The following SPECC1 variants were observed in gnomAD, a reference collection of about 807,000 sequenced individuals.
SPECC1 encodes the protein sperm antigen with calponin homology and coiled-coil domains 1.
SPECC1 carries 62 observed loss-of-function variants against 104.1 expected under a neutral mutation model. The observed-to-expected ratio is 0.60, with a 90% CI of 0.49 to 0.74. SPECC1 has a LOEUF of 0.74. SPECC1 is among the 30% of genes least tolerant of loss of function. The pLI, the probability that SPECC1 is intolerant of heterozygous loss-of-function variation, is 0.00. For missense variants in SPECC1, 1,306 were observed against 1,310.5 expected, an observed-to-expected ratio of 1.00 and a Z score of 0.05; for synonymous variants, 513 against 501.6, an observed-to-expected ratio of 1.02 and a Z score of -0.30.
At chr17:20,217,407 C>G (rs535949853) in intron 4 of SPECC1, among the ~76,000 whole-genome samples, 8 of 152,208 alleles carry the variant, frequency 5.3e-5, no homozygotes, top group African/African-American at 1.9e-4. Flanking sequence ...GTCCCCTCCC[C>G]CATGCCGAGT....
intron 3 of SPECC1, among the ~76,000 whole-genome samples, chr17:20,148,494 A>G (rs2031672425): frequency 6.6e-6 from 1 of 151,800 alleles, no homozygotes; most frequent in Non-Finnish European, 1.5e-5. Flanking sequence ...GTATTTTTCC[A>G]AATAAATGTA....
At chr17:20,142,345 A>G (rs7212500) in intron 3 of SPECC1, among the ~76,000 whole-genome samples, 87,448 of 152,042 alleles carry the variant, frequency 0.58, 25,776 homozygotes, top group African/African-American at 0.64. Context: ...TGAAAGCAGG[A>G]ACTTGAAAAG....
chr17:20,289,528 C>G (rs867104104), intron 12 of SPECC1, among the ~76,000 whole-genome samples: 56 of 152,322 alleles, frequency 3.7e-4, no homozygotes, highest in African/African-American at 1.0e-3. Flanking sequence ...GTCTCAAACT[C>G]CTGGCCTCAA....
chr17:20,203,819 T>A (rs1208844682), intron 3 of SPECC1, among the ~76,000 whole-genome samples: 1 of 152,248 alleles, frequency 6.6e-6, no homozygotes, highest in East Asian at 1.9e-4. Context: ...GGGTATTTAC[T>A]GGCTTGCCTA....
Position 20,096,655 on chromosome 17 carries a change from C to G in SPECC1, c.4C>G (p.Arg2Gly), listed in dbSNP as rs763091276. 1.9e-6 allele frequency: 3 copies of G among 1,611,662 alleles called. No homozygotes were observed. The highest frequency in any genetic ancestry group is 1.1e-5 in the South Asian group (1 of 90,950). The stretch of plus-strand genomic sequence containing the variant: ...GGACAGACCCACGAAGTCAAGCATG[C>G]GGAGTGCAGCCAAGCCCTGGAACCC... Reference protein sequence around the residue: MRSAAKPWNPAI... With the variant: MGSAAKPWNPAI... The change falls in exon 2 of 15, where the codon CGG becomes GGG. Residue 2 changes from arginine to glycine, a missense_variant. Physicochemically the swap from Arg to Gly is moderately radical, Grantham distance 125. Around this residue, in one of 2 missense-constraint regions of SPECC1, gnomAD observed 1,177 missense variants for 1,139.9 expected, o/e 1.03. Coordinates refer to ENST00000395527, the MANE Select transcript of SPECC1 (RefSeq NM_001243439.2).
At chr17:20,118,236 A>G (rs1295689140) in intron 3 of SPECC1, among the ~76,000 whole-genome samples, 1 of 152,232 alleles carries the variant, frequency 6.6e-6, no homozygotes, top group Non-Finnish European at 1.5e-5. Flanking sequence ...AGAGCCACAT[A>G]TGGTTGATGC....
chr17:20,046,749 G>A (rs896952852), intron 1 of SPECC1, among the ~76,000 whole-genome samples: 2 of 152,190 alleles, frequency 1.3e-5, no homozygotes, highest in African/African-American at 4.8e-5. Context: ...TGCAGGTGGA[G>A]GAGGCGGCCA....
chr17:20,111,927 T>C, intron 3 of SPECC1: 1 of 791,048 alleles, frequency 1.3e-6, no homozygotes, highest in Non-Finnish European at 2.3e-6. Context: ...AGTGGTAAAC[T>C]TGGCATAAAA....
chr17:20,156,487 G>T (rs2032550160), intron 3 of SPECC1, among the ~76,000 whole-genome samples: 1 of 152,138 alleles, frequency 6.6e-6, no homozygotes, highest in Non-Finnish European at 1.5e-5. Context: ...GCACCGCTGG[G>T]TCCCTGCCGC....
chr17:20,240,360 C>T (rs545819151), intron 7 of SPECC1, among the ~76,000 whole-genome samples: 53 of 151,952 alleles, frequency 3.5e-4, no homozygotes, highest in South Asian at 8.3e-4. Flanking sequence ...ATTAGGGATA[C>T]GGTTGTATCC....
At chr17:20,157,482 A>G (rs1429077220) in intron 3 of SPECC1, among the ~76,000 whole-genome samples, 1 of 152,236 alleles carries the variant, frequency 6.6e-6, no homozygotes, top group Non-Finnish European at 1.5e-5. Context: ...AATAAAAATA[A>G]TATACTTGTT....
intron 12 of SPECC1, among the ~76,000 whole-genome samples, chr17:20,281,905 G>A (rs2040782233): frequency 6.6e-6 from 1 of 152,332 alleles, no homozygotes; most frequent in Middle Eastern, 3.4e-3. Flanking sequence ...CCGAGGTGAG[G>A]GCACAGAGAA....
intron 4 of SPECC1, among the ~76,000 whole-genome samples, chr17:20,214,251 C>T (rs189157970): frequency 1.6e-4 from 24 of 152,366 alleles, no homozygotes; most frequent in Admixed American, 3.3e-4. Context: ...TATTTCCTCT[C>T]ATTCTGTGGG....
Position 20,240,060 on chromosome 17 carries a change from A to ATTTTTTTT in SPECC1, c.2352-5841_2352-5834dup, listed in dbSNP as rs748689632. ...AGGGGCACACCACCATGTCCAGCTA[A>ATTTTTTTT]TTTTTTTTTTTTTTTTTTTTTTTTT... On this transcript the variant is annotated intron_variant, in intron 7 of 14. Transcript: ENST00000395527. Among the ~76,000 whole-genome samples the ATTTTTTTT allele has an allele frequency of 2.8e-4, 9 of 32,198 alleles. 1 individual carries two copies. The highest frequency in any genetic ancestry group is 3.0e-4 in the African/African-American group (2 of 6,700). The allele number at this position is 32,198 out of a possible 152,430, so 21.1% of individuals were successfully genotyped here.
intron 4 of SPECC1, among the ~76,000 whole-genome samples, chr17:20,225,961 CTG>C (rs1567960275): frequency 6.6e-6 from 1 of 152,122 alleles, no homozygotes; most frequent in African/African-American, 2.4e-5. Flanking sequence ...TAAATGCCTC[CTG>C]TGTGTGATGC....
At chr17:20,312,388 T>C (rs2142241141) in intron 14 of SPECC1, among the ~76,000 whole-genome samples, 1 of 152,342 alleles carries the variant, frequency 6.6e-6, no homozygotes, top group South Asian at 2.1e-4. Context: ...ATATTTTTAG[T>C]TCAGTTATGA....
intron 1 of SPECC1, 80 bp from the exon 2 acceptor site, chr17:20,096,551 A>G (rs929825964): frequency 8.3e-6 from 12 of 1,438,978 alleles, no homozygotes; most frequent in Non-Finnish European, 6.6e-6. Context: ...GTGACGTGGT[A>G]TGTGGGGTGT....
chr17:20,276,295 A>T (rs925741950), intron 12 of SPECC1, among the ~76,000 whole-genome samples: 6 of 151,898 alleles, frequency 4.0e-5, no homozygotes, highest in South Asian at 2.1e-4. Context: ...TCTTTAAAAA[A>T]TTTTTTTAGA....
Position 20,299,555 on chromosome 17 carries a change from CAAAAAAA to C in SPECC1, c.3057+2496_3057+2502del, listed in dbSNP as rs57493380. On this transcript the variant is annotated intron_variant, in intron 13 of 14. Coordinates refer to ENST00000395527, the MANE Select transcript of SPECC1 (RefSeq NM_001243439.2). The stretch of plus-strand genomic sequence containing the variant: ...AGCCTGGGTGACAGAGACCCTGTCT[CAAAAAAA>C]AAAAAAAAAAAAAAAAAGAAAAGAA... 1.4e-3 allele frequency among the ~76,000 whole-genome samples: 58 copies of C among 40,364 alleles called. 1 individual carries two copies. Among genetic ancestry groups the C allele is most frequent in the East Asian group, 5.8e-3 (8 of 1,374 alleles). 26.5% of individuals were successfully genotyped at this position (40,364 alleles called of 152,430 possible).
Sources: allele counts gnomAD v4.1 joint callset (sites outside exome capture counted in the v4.1 genomes callset), GRCh38; gene constraint gnomAD v4.1.1; regional missense constraint gnomAD v4.1.1; transcripts MANE v1.5; gene names NCBI Gene and HGNC (gene_info 2026-07-23, HGNC 2026-07-21).